The following STRN3 variants were observed in gnomAD, a reference collection of about 807,000 sequenced individuals.
The protein encoded by STRN3 is striatin-3.
Under a neutral mutation model 95.6 loss-of-function variants are expected in STRN3, and 29 were observed. The ratio of observed to expected loss-of-function variants is 0.30; its 90% CI spans 0.23 to 0.41. The LOEUF (loss-of-function observed/expected upper bound fraction) is 0.41, where lower values mean the gene tolerates loss of function less well. STRN3 is among the 10% of genes least tolerant of loss of function. The pLI, the probability that STRN3 is intolerant of heterozygous loss-of-function variation, is 1.00. For synonymous variants in STRN3, 331 were observed against 357.6 expected (o/e 0.93, Z 0.84); for missense variants, 890 against 972.1 (o/e 0.92, Z 1.12).
chr14:30,920,076 T>C (rs1047645942), intron 8 of STRN3, among the ~76,000 whole-genome samples: 1 of 152,186 alleles, frequency 6.6e-6, no homozygotes, highest in African/African-American at 2.4e-5. Flanking sequence ...AGAATCCGAC[T>C]GCTATATATT....
chr14:30,951,508 A>G (rs1357085664), intron 3 of STRN3, among the ~76,000 whole-genome samples: 2 of 152,208 alleles, frequency 1.3e-5, no homozygotes, highest in African/African-American at 4.8e-5. Flanking sequence ...CTGAGATTAC[A>G]GGTGTGAACC....
intron 11 of STRN3, 52 bp from the exon 12 acceptor site, chr14:30,911,876 G>A: frequency 6.4e-7 from 1 of 1,572,340 alleles, no homozygotes; most frequent in Non-Finnish European, 8.6e-7. Context: ...AAATAACTAT[G>A]AATCACTGGT....
chr14:30,936,183 A>G (rs1353779180), intron 6 of STRN3, among the ~76,000 whole-genome samples: 1 of 152,250 alleles, frequency 6.6e-6, no homozygotes, highest in African/African-American at 2.4e-5. Context: ...GGTGTGCTGT[A>G]CATGAAGAGA....
intron 4 of STRN3, among the ~76,000 whole-genome samples, chr14:30,948,010 A>G (rs1407828635): frequency 6.6e-6 from 1 of 152,210 alleles, no homozygotes; most frequent in African/African-American, 2.4e-5. Context: ...CTAAAGAGAA[A>G]AAGACTAGAT....
chr14:30,929,825 T>C (rs1256767202), intron 7 of STRN3, among the ~76,000 whole-genome samples: 3 of 151,782 alleles, frequency 2.0e-5, no homozygotes, highest in Non-Finnish European at 4.4e-5. Flanking sequence ...TCCAATATAA[T>C]ACATATAGTT....
At chr14:31,003,796 TAAAAAAA>T (rs35951887) in intron 1 of STRN3, among the ~76,000 whole-genome samples, 1 of 115,488 alleles carries the variant, frequency 8.7e-6, no homozygotes. Flanking sequence ...ACATCTTTCT[TAAAAAAA>T]AAAAAAAAAA....
chr14:31,002,470 CAAAAA>C (rs59491889), intron 1 of STRN3, among the ~76,000 whole-genome samples: 3 of 81,616 alleles, frequency 3.7e-5, no homozygotes, highest in Non-Finnish European at 4.8e-5. Flanking sequence ...GACTCTGTCT[CAAAAA>C]AAAAAAAAAA....
In STRN3 at chr14:30,894,911, A is replaced by G; in HGVS notation, c.*500T>C. 1.8e-6 allele frequency: 2 copies of G among 1,081,816 alleles called. No homozygotes were observed. Among genetic ancestry groups the G allele is most frequent in the Non-Finnish European group, 1.2e-6 (1 of 842,928 alleles). The allele number at this position is 1,081,816 out of a possible 1,614,324, so 67.0% of individuals were successfully genotyped here. A position where few individuals can be genotyped will look rare whatever the true frequency, so the allele number is the denominator to read the frequency against. ...TCTTTTTCTTTTTTTTTTTTTTTAAAGCAAAATAAGTTTAAAAGGGAATCT... is the reference window on the plus strand; with the variant it reads ...TCTTTTTCTTTTTTTTTTTTTTTAAGGCAAAATAAGTTTAAAAGGGAATCT... On this transcript the variant is annotated 3_prime_UTR_variant, in exon 18 of 18. Transcript: ENST00000357479.
At chr14:30,961,547 T>G (rs887888099) in intron 1 of STRN3, among the ~76,000 whole-genome samples, 1 of 152,226 alleles carries the variant, frequency 6.6e-6, no homozygotes, top group Non-Finnish European at 1.5e-5. Flanking sequence ...ACAAATCTAC[T>G]GTGTTGTCAG....
At chr14:31,004,774 GA>G (rs201143824) in intron 1 of STRN3, among the ~76,000 whole-genome samples, 40 of 150,166 alleles carry the variant, frequency 2.7e-4, no homozygotes, top group Middle Eastern at 3.5e-3. Flanking sequence ...ACTCCGTATT[GA>G]AAAAAAAAAT....
chr14:30,990,363 T>A (rs1490969298), intron 1 of STRN3, among the ~76,000 whole-genome samples: 1 of 150,752 alleles, frequency 6.6e-6, no homozygotes, highest in Admixed American at 6.6e-5. Context: ...AGAGACGGGG[T>A]TTCACCGTAT....
chr14:30,986,072 T>C (rs1881676594), intron 1 of STRN3, among the ~76,000 whole-genome samples: 1 of 152,072 alleles, frequency 6.6e-6, no homozygotes, highest in Admixed American at 6.6e-5. Flanking sequence ...TAAAGAGAAA[T>C]GATCTATTAA....
intron 9 of STRN3, among the ~76,000 whole-genome samples, chr14:30,915,757 C>A (rs1013792876): frequency 5.9e-5 from 9 of 152,120 alleles, no homozygotes; most frequent in African/African-American, 2.2e-4. Flanking sequence ...CACAATTATA[C>A]AAACATTCAC....
At chr14:30,914,384 G>A (rs1896682663) in intron 9 of STRN3, among the ~76,000 whole-genome samples, 1 of 151,978 alleles carries the variant, frequency 6.6e-6, no homozygotes, top group Non-Finnish European at 1.5e-5. Flanking sequence ...ACACAGTCTT[G>A]CTCTGTCGCC....
chr14:30,979,391 T>G (rs543840049), intron 1 of STRN3, among the ~76,000 whole-genome samples: 1 of 152,254 alleles, frequency 6.6e-6, no homozygotes, highest in South Asian at 2.1e-4. Context: ...CCAAAAATTT[T>G]GTTTTTATGT....
intron 1 of STRN3, among the ~76,000 whole-genome samples, chr14:30,969,995 C>T (rs530129290): frequency 2.6e-5 from 4 of 152,166 alleles, no homozygotes. Flanking sequence ...AGCGCCACCC[C>T]CTCCAGTCAT....
chr14:30,929,614 C>A (rs1208883293), intron 7 of STRN3, among the ~76,000 whole-genome samples: 1 of 151,974 alleles, frequency 6.6e-6, no homozygotes, highest in East Asian at 1.9e-4. Flanking sequence ...AAAAATAGAT[C>A]ACTGCATCTT....
At chr14:31,024,537 CTTT>C (rs34681869) in intron 1 of STRN3, among the ~76,000 whole-genome samples, 1 of 151,942 alleles carries the variant, frequency 6.6e-6, no homozygotes, top group Non-Finnish European at 1.5e-5. Flanking sequence ...ACAAGTGTTA[CTTT>C]TTTTTAAGAC....
rs1882495235 is a variant in STRN3 at position 31,002,252 on chromosome 14, TC to T, written c.282+23651del. ...AATTTGGGAGGCTGAGGCAGGCGGA[TC>T]ACAAGGTCAGGATATCGAGACCATC... On this transcript the variant is annotated intron_variant, in intron 1 of 17. Transcript: ENST00000357479. Among the ~76,000 whole-genome samples, 12 of 145,276 alleles carry T rather than the reference TC, an allele frequency of 8.3e-5. No individual in the cohort carries two copies. In the South Asian group the frequency reaches 2.5e-3, roughly 30 times the overall value.
Sources: gnomAD v4.1 joint callset for allele counts (sites outside exome capture counted in the v4.1 genomes callset) on GRCh38, gnomAD v4.1.1 for gene constraint, MANE v1.5 for transcripts, NCBI Gene and HGNC (gene_info 2026-07-23, HGNC 2026-07-21) for gene names.